LRMDA: variants seen among roughly 807,000 people sequenced by gnomAD.
LRMDA encodes the protein leucine-rich melanocyte differentiation-associated protein.
LRMDA carries 18 observed loss-of-function variants against 29.8 expected under a neutral mutation model. The ratio of observed to expected loss-of-function variants is 0.60; its 90% CI spans 0.42 to 0.90. LRMDA has a LOEUF of 0.90. LRMDA is among the 40% of genes least tolerant of loss of function. LRMDA has a pLI of 0.00. For missense variants in LRMDA, 273 were observed against 273.9 expected (o/e 1.00, Z 0.02); for synonymous variants, 125 against 109.4 (o/e 1.14, Z -0.89).
chr10:75,628,637 T>C (rs377276859), intron 2 of LRMDA, among the ~76,000 whole-genome samples: 15 of 152,208 alleles, frequency 9.9e-5, no homozygotes, highest in African/African-American at 3.6e-4. Context: ...CACAGCTTGG[T>C]TCTGCTTGCT....
intron 6 of LRMDA, among the ~76,000 whole-genome samples, chr10:76,363,276 A>AAGGAAAGGAAGG (rs1218743181): frequency 0.29 from 17,266 of 58,802 alleles, 5,907 homozygotes; most frequent in Non-Finnish European, 0.38. Flanking sequence ...GGAAGGAAGG[A>AAGGAAAGGAAGG]AAGGAAGGAA....
intron 6 of LRMDA, among the ~76,000 whole-genome samples, chr10:76,339,748 C>T (rs936651857): frequency 1.3e-5 from 2 of 151,768 alleles, no homozygotes. Context: ...ATCTGAAAAT[C>T]TAAGTAAAAC....
chr10:76,338,712 GTAAAA>G (rs1841000561), intron 6 of LRMDA, among the ~76,000 whole-genome samples: 2 of 146,278 alleles, frequency 1.4e-5, no homozygotes, highest in Admixed American at 1.3e-4. Flanking sequence ...AAAAAAAAAT[GTAAAA>G]TAAAATACTT....
At chr10:76,106,560 G>A (rs776624086) in intron 5 of LRMDA, among the ~76,000 whole-genome samples, 40 of 152,170 alleles carry the variant, frequency 2.6e-4, no homozygotes, top group Admixed American at 1.0e-3. Flanking sequence ...GGAGGAGTCC[G>A]TCACAAGCAT....
intron 3 of LRMDA, among the ~76,000 whole-genome samples, chr10:76,039,155 A>G (rs1239044937): frequency 6.6e-6 from 1 of 152,234 alleles, no homozygotes; most frequent in African/African-American, 2.4e-5. Flanking sequence ...CAAGTCACAT[A>G]CCAACTGTAG....
intron 2 of LRMDA, among the ~76,000 whole-genome samples, chr10:76,004,901 G>A (rs1564627879): frequency 6.6e-6 from 1 of 151,792 alleles, no homozygotes; most frequent in African/African-American, 2.4e-5. Context: ...TTAATTTTTT[G>A]TATTTTTAGT....
In LRMDA at chr10:75,850,340, CTT is replaced by C. The variant is rs561228217; in HGVS notation, c.132-185665_132-185664del. 2.4e-3 allele frequency among the ~76,000 whole-genome samples: 359 copies of C among 152,284 alleles called. 2 individuals carry two copies. The highest frequency in any genetic ancestry group is 8.3e-3 in the African/African-American group (346 of 41,552). ...TTGTGAAAATTGTAAATGATGGAGT[CTT>C]TTATTTTAGGAGTCTTTCATTCCTT... On this transcript the variant is annotated intron_variant, in intron 2 of 6. Coordinates refer to ENST00000611255, the MANE Select transcript of LRMDA (RefSeq NM_001305581.2).
chr10:75,696,339 C>T (rs535217002), intron 2 of LRMDA, among the ~76,000 whole-genome samples: 1 of 152,332 alleles, frequency 6.6e-6, no homozygotes, highest in East Asian at 1.9e-4. Context: ...CATTGCTGGA[C>T]ACTGAGCCAA....
intron 2 of LRMDA, among the ~76,000 whole-genome samples, chr10:75,765,002 C>T (rs750799994): frequency 6.6e-6 from 1 of 150,928 alleles, no homozygotes; most frequent in Non-Finnish European, 1.5e-5. Flanking sequence ...AGCACATGAT[C>T]TTTAGTTTAA....
At chr10:76,474,939 G>C (rs1429788122) in intron 6 of LRMDA, among the ~76,000 whole-genome samples, 1 of 151,738 alleles carries the variant, frequency 6.6e-6, no homozygotes, top group Admixed American at 6.6e-5. Context: ...ATTCATAATA[G>C]TCAAAGAGTG....
chr10:75,860,527 G>A (rs898135992), intron 2 of LRMDA, among the ~76,000 whole-genome samples: 1 of 151,852 alleles, frequency 6.6e-6, no homozygotes, highest in African/African-American at 2.4e-5. Flanking sequence ...TCACCATTTT[G>A]GCCAGACTGG....
At chr10:76,302,339 C>T (rs1840491375) in intron 5 of LRMDA, among the ~76,000 whole-genome samples, 1 of 152,190 alleles carries the variant, frequency 6.6e-6, no homozygotes, top group South Asian at 2.1e-4. Context: ...TGAATTTCCA[C>T]AGCATGTGTT....
intron 3 of LRMDA, among the ~76,000 whole-genome samples, chr10:76,038,734 G>C (rs906280325): frequency 6.6e-6 from 1 of 152,132 alleles, no homozygotes; most frequent in East Asian, 1.9e-4. Flanking sequence ...CAATTTCTAG[G>C]TTCCATATTG....
intron 2 of LRMDA, among the ~76,000 whole-genome samples, chr10:75,644,796 T>C (rs1176540138): frequency 6.6e-6 from 1 of 152,130 alleles, no homozygotes; most frequent in Non-Finnish European, 1.5e-5. Flanking sequence ...GATGTAAACC[T>C]CATGAATGAG....
intron 2 of LRMDA, among the ~76,000 whole-genome samples, chr10:75,730,988 C>CTT (rs1564551856): frequency 7.9e-5 from 12 of 152,164 alleles, no homozygotes; most frequent in Non-Finnish European, 1.8e-4. Flanking sequence ...CTGCTGCCAG[C>CTT]TTCTGAAGTA....
At chr10:75,490,454 C>T (rs967610747) in intron 2 of LRMDA, among the ~76,000 whole-genome samples, 51 of 152,122 alleles carry the variant, frequency 3.4e-4, no homozygotes, top group African/African-American at 1.2e-3. Flanking sequence ...TTTCACTCAG[C>T]GTGTTTTCAC....
intron 2 of LRMDA, among the ~76,000 whole-genome samples, chr10:75,484,681 GGACTAGTGTCCTTATGAGAAGAGGAAGA>G (rs1032063788): frequency 6.6e-6 from 1 of 152,162 alleles, no homozygotes; most frequent in Non-Finnish European, 1.5e-5. Context: ...TAATCCAATA[GGACTAGTGTCCTTATGAGAAGAGGAAGA>G]GACACCAGAG....
intron 6 of LRMDA, among the ~76,000 whole-genome samples, chr10:76,490,449 A>G (rs1459815101): frequency 1.3e-5 from 2 of 151,860 alleles, no homozygotes; most frequent in Non-Finnish European, 2.9e-5. Context: ...TGCTTCATAT[A>G]TCTGGGTACT....
At chr10:75,899,959 T>C (rs1039991178) in intron 2 of LRMDA, among the ~76,000 whole-genome samples, 39 of 152,234 alleles carry the variant, frequency 2.6e-4, no homozygotes, top group African/African-American at 8.7e-4. Context: ...TTTATTTACA[T>C]TGGTGAGGCA....
Sources: gnomAD v4.1 joint callset for allele counts (sites outside exome capture counted in the v4.1 genomes callset) on GRCh38, gnomAD v4.1.1 for gene constraint, MANE v1.5 for transcripts, NCBI Gene and HGNC (gene_info 2026-07-23, HGNC 2026-07-21) for gene names.